PAN3: variants seen among roughly 807,000 people sequenced by gnomAD.
The protein encoded by PAN3 is poly(A) specific ribonuclease subunit PAN3.
PAN3 carries 19 observed loss-of-function variants against 96.2 expected under a neutral mutation model. The ratio of observed to expected loss-of-function variants is 0.20; its 90% confidence interval spans 0.14 to 0.29. The LOEUF is 0.29. Among genes scored for constraint, PAN3 ranks in the 10% least tolerant of loss-of-function variants. PAN3 has a pLI of 1.00. For missense variants in PAN3, 882 were observed against 1,108.1 expected, an observed-to-expected ratio of 0.80 and a Z score of 2.90; for synonymous variants, 433 against 406.6, an observed-to-expected ratio of 1.06 and a Z score of -0.78.
At chr13:28,214,170 T>C (rs1377946787) in intron 5 of PAN3, among the ~76,000 whole-genome samples, 1 of 152,242 alleles carries the variant, frequency 6.6e-6, no homozygotes, top group African/African-American at 2.4e-5. Flanking sequence ...GTACGTATTA[T>C]ATGCCCAAAT....
rs78250329 is a variant in PAN3, at chr13:28,197,111, A to G, written c.691-74A>G. The G allele has an allele frequency of 1.5e-3, 2,246 of 1,496,556 alleles. 26 individuals are homozygous for G. The African/African-American group carries it at 0.027, about 18-fold the overall frequency. 92.7% of individuals were successfully genotyped at this position (1,496,556 alleles called of 1,614,324 possible). Reference sequence around the variant, plus strand: ...TCCCACCGTTCCCAGTATCCTGTATATGTTAGTTATGTTAGTTTAGATTAG... The same window carrying G: ...TCCCACCGTTCCCAGTATCCTGTATGTGTTAGTTATGTTAGTTTAGATTAG... On this transcript the variant is annotated intron_variant, in intron 4 of 18. Transcript: ENST00000380958.
chr13:28,260,400 A>T (rs768541563), intron 7 of PAN3, 47 bp from the exon 8 acceptor site: 1 of 1,450,184 alleles, frequency 6.9e-7, no homozygotes, highest in East Asian at 2.3e-5. Context: ...TCTGAAAAAA[A>T]GAAAGAAAAA....
At chr13:28,267,662 T>G (rs1011894171) in intron 12 of PAN3, among the ~76,000 whole-genome samples, 1 of 152,158 alleles carries the variant, frequency 6.6e-6, no homozygotes, top group African/African-American at 2.4e-5. Flanking sequence ...GTGAAAGGCA[T>G]GTCTCACATG....
chr13:28,172,509 A>G (rs1468483930), intron 1 of PAN3, among the ~76,000 whole-genome samples: 1 of 152,128 alleles, frequency 6.6e-6, no homozygotes, highest in African/African-American at 2.4e-5. Flanking sequence ...TTTATTATGG[A>G]AAATTTTAAA....
intron 4 of PAN3, among the ~76,000 whole-genome samples, chr13:28,184,917 G>C (rs1052101752): frequency 2.0e-5 from 3 of 151,810 alleles, no homozygotes; most frequent in Admixed American, 6.6e-5. Flanking sequence ...TTTTGTTATT[G>C]GTCTTGAATT....
intron 15 of PAN3, among the ~76,000 whole-genome samples, chr13:28,279,255 C>T (rs1164481200): frequency 6.6e-5 from 10 of 152,218 alleles, no homozygotes; most frequent in South Asian, 2.1e-4. Context: ...CCTTCTGCTG[C>T]GTGTTACTGC....
chr13:28,260,405 G>C (rs774178550), intron 7 of PAN3, 42 bp from the exon 8 acceptor site: 1 of 1,477,180 alleles, frequency 6.8e-7, no homozygotes, highest in Admixed American at 1.7e-5. Context: ...AAAAAAGAAA[G>C]AAAAATGAGT....
chr13:28,215,325 G>T, intron 5 of PAN3: 1 of 740,744 alleles, frequency 1.3e-6, no homozygotes, highest in Non-Finnish European at 2.5e-6. Context: ...GGAGACTGGT[G>T]TTCTCAAACC....
rs1160117796 is a variant in PAN3 at position 28,163,008 on chromosome 13, C to T, written c.431-11264C>T. On this transcript the variant is annotated intron_variant, in intron 1 of 18. Transcript: ENST00000380958. ...CAGTGGCTTACACCTGTAAACTCAGCACTGTGGGAGGCCAATGCAGGAGGA... is the reference window on the plus strand; with the variant it reads ...CAGTGGCTTACACCTGTAAACTCAGTACTGTGGGAGGCCAATGCAGGAGGA... Among the ~76,000 whole-genome samples, 4 of 151,948 alleles carry T rather than the reference C, an allele frequency of 2.6e-5. No homozygotes were observed. In the South Asian group the frequency reaches 8.3e-4, roughly 32 times the overall value.
chr13:28,255,004 A>G (rs1445659626), intron 6 of PAN3, among the ~76,000 whole-genome samples: 1 of 152,198 alleles, frequency 6.6e-6, no homozygotes, highest in African/African-American at 2.4e-5. Context: ...TCCAAAGAAA[A>G]GAAAAGTATT....
chr13:28,200,246 G>C (rs1435712476), intron 5 of PAN3, among the ~76,000 whole-genome samples: 1 of 152,072 alleles, frequency 6.6e-6, no homozygotes, highest in Non-Finnish European at 1.5e-5. Flanking sequence ...ATAGACACGG[G>C]CTGTAACTTA....
intron 9 of PAN3, among the ~76,000 whole-genome samples, chr13:28,266,097 A>G (rs1304466987): frequency 6.6e-6 from 1 of 152,072 alleles, no homozygotes; most frequent in Non-Finnish European, 1.5e-5. Context: ...TTAAACATGT[A>G]TATTATAAAA....
At chr13:28,272,609 G>T (rs1239436018) in intron 14 of PAN3, among the ~76,000 whole-genome samples, 2 of 147,622 alleles carry the variant, frequency 1.4e-5, no homozygotes, top group Non-Finnish European at 3.0e-5. Context: ...CACTCTTGTT[G>T]CCCAGACTGG....
chr13:28,157,446 A>C (rs1872340165), intron 1 of PAN3, among the ~76,000 whole-genome samples: 1 of 152,232 alleles, frequency 6.6e-6, no homozygotes, highest in African/African-American at 2.4e-5. Flanking sequence ...ATATGATTTT[A>C]TACCTAGAAA....
chr13:28,292,607 T>C lies in PAN3; in HGVS notation c.*85T>C, dbSNP rs1869892115. ...TACAGCTGAACTTTTCATCATCTCA[T>C]TCACATTTGGGAAACGAACAGGAGA... On this transcript the variant is annotated 3_prime_UTR_variant, in exon 19 of 19. Coordinates refer to ENST00000380958, the MANE Select transcript of PAN3 (RefSeq NM_175854.8). 7.3e-7 allele frequency: 1 copy of C among 1,365,418 alleles called. No individual in the cohort carries two copies. The highest frequency in any genetic ancestry group is 2.4e-5 in the Admixed American group (1 of 42,004). The allele number at this position is 1,365,418 out of a possible 1,614,324, so 84.6% of individuals were successfully genotyped here.
chr13:28,226,185 C>G (rs186079373), intron 6 of PAN3, among the ~76,000 whole-genome samples: 12 of 151,998 alleles, frequency 7.9e-5, no homozygotes, highest in African/African-American at 2.7e-4. Context: ...ACTCCATAAG[C>G]GATTGCTTTA....
intron 4 of PAN3, among the ~76,000 whole-genome samples, chr13:28,195,622 GC>G (rs1877957228): frequency 6.6e-6 from 1 of 151,852 alleles, no homozygotes; most frequent in African/African-American, 2.4e-5. Context: ...TGCAGTCTTT[GC>G]CTTCCAGGCT....
chr13:28,222,436 T>C (rs766506807), intron 6 of PAN3, among the ~76,000 whole-genome samples: 3 of 152,206 alleles, frequency 2.0e-5, no homozygotes, highest in Non-Finnish European at 4.4e-5. Flanking sequence ...TTATATCATA[T>C]GAAATGTATT....
At chr13:28,171,710 A>G (rs772000619) in intron 1 of PAN3, among the ~76,000 whole-genome samples, 1 of 152,192 alleles carries the variant, frequency 6.6e-6, no homozygotes, top group Non-Finnish European at 1.5e-5. Context: ...AAATGTGTTC[A>G]CCGGCCCACA....
Sources: allele counts gnomAD v4.1 joint callset (sites outside exome capture counted in the v4.1 genomes callset), GRCh38; gene constraint gnomAD v4.1.1; transcripts MANE v1.5; gene names NCBI Gene and HGNC (gene_info 2026-07-23, HGNC 2026-07-21).